GPR21: variants seen among roughly 807,000 people sequenced by gnomAD.
GPR21 encodes probable G protein-coupled receptor 21.
GPR21 carries 9 observed loss-of-function variants against 21.5 expected under a neutral mutation model. That is an observed-to-expected ratio of 0.42 (90% CI 0.25 to 0.73). The LOEUF is 0.73. GPR21 is among the 30% of genes least tolerant of loss of function. The pLI, the probability that GPR21 is intolerant of heterozygous loss-of-function variation, is 0.27. For missense variants in GPR21, 416 were observed against 428.9 expected, an observed-to-expected ratio of 0.97 and a Z score of 0.27; for synonymous variants, 169 against 159.3, an observed-to-expected ratio of 1.06 and a Z score of -0.46.
At chr9:123,037,971 A>T (rs553623184), downstream of GPR21, among the ~76,000 whole-genome samples, 1 of 152,208 alleles carries the variant, frequency 6.6e-6, no homozygotes, top group Non-Finnish European at 1.5e-5. Flanking sequence ...TTTATATGGC[A>T]TGTGACTGGT....
At chr9:123,041,616 AAAG>A in the GPR21 span, among the ~76,000 whole-genome samples, 7 of 152,240 alleles carry the variant, frequency 4.6e-5, no homozygotes, top group Admixed American at 2.6e-4. Context: ...ATATGGATAA[AAAG>A]AAGGAGAACA....
chr9:123,034,738 T>C lies in GPR21; in HGVS notation c.172T>C (p.Leu58=). 1 of 1,613,906 alleles carries C rather than the reference T, an allele frequency of 6.2e-7. No homozygotes were observed. The highest frequency in any genetic ancestry group is 8.5e-7 in the Non-Finnish European group (1 of 1,179,768). ...IVIFVFHCAP[L]LNHHTTSYFI... ...GATTTTTGTATTTCACTGTGCACCT[T>C]TGTTGAACCATCACACTACAAGTTA... is the stretch of plus-strand genomic sequence containing the variant. Residue 58 remains leucine, a synonymous_variant, in exon 2 of 2, where the codon TTG becomes CTG. Transcript: ENST00000616002.
rs34595678 is a variant in GPR21, at chr9:123,035,445, T to G, written c.879T>G (p.Ala293=). 3.5e-4 allele frequency: 563 copies of G among 1,614,218 alleles called. 1 individual carries two copies. In the African/African-American group the frequency reaches 6.8e-3, roughly 19 times the overall value. ...CATCCTTCTTGACCACCTGGCTTGC[T>G]ATTAGTAACAGTTTCTGCAACTGTG... ...RFASFLTTWL[A]ISNSFCNCVI... The change falls in exon 2 of 2, where the codon GCT becomes GCG. Residue 293 remains alanine, a synonymous_variant. Transcript: ENST00000616002.
At chr9:123,046,435 G>C in the GPR21 span, among the ~76,000 whole-genome samples, 1 of 151,638 alleles carries the variant, frequency 6.6e-6, no homozygotes, top group South Asian at 2.1e-4. Flanking sequence ...TAAGGAGACT[G>C]TGTAATGTGT....
rs1388685495 is a variant in GPR21 at position 123,034,685 on chromosome 9, TATTG to T, written c.123_126del (p.Ile42PhefsTer7). Reference sequence around the variant, plus strand: ...GTATTGATTATTGTCTTTCTAACTGTATTGATTATTTCTGGCAACATCATTGTGA... The same window carrying T: ...GTATTGATTATTGTCTTTCTAACTGTATTATTTCTGGCAACATCATTGTGA... On this transcript the variant is annotated frameshift_variant, in exon 2 of 2. Coordinates refer to ENST00000616002, the MANE Select transcript of GPR21 (RefSeq NM_005294.3). LOFTEE classifies it high-confidence loss of function. The T allele has an allele frequency of 1.9e-6, 3 of 1,612,878 alleles. No individual in the cohort carries two copies. Among genetic ancestry groups the T allele is most frequent in the African/African-American group, 1.3e-5 (1 of 74,916 alleles).
At chr9:123,037,721 T>C (rs1029078278), downstream of GPR21, among the ~76,000 whole-genome samples, 1 of 152,130 alleles carries the variant, frequency 6.6e-6, no homozygotes, top group Non-Finnish European at 1.5e-5. Flanking sequence ...TTGATCTTAT[T>C]TTGTTGTGTG....
At position 123,034,516 on chromosome 9, in the gene GPR21, TG is replaced by T; in HGVS notation, c.-49del. 8.5e-7 allele frequency: 1 copy of T among 1,183,082 alleles called. No individual in the cohort carries two copies. The highest frequency in any genetic ancestry group is 1.2e-6 in the Non-Finnish European group (1 of 823,244). 73.3% of individuals were successfully genotyped at this position (1,183,082 alleles called of 1,614,324 possible). A position where few individuals can be genotyped will look rare whatever the true frequency, so the allele number is the denominator to read the frequency against. On this transcript the variant is annotated 5_prime_UTR_variant, in exon 2 of 2. The change creates a premature stop within an existing upstream ORF in the 5' untranslated region. Transcript: ENST00000616002. ...GACAGCAGCTGCTTCTTTGAACTGT[TG>T]GCAGCAGCCAAGCGGCAGCATGAAG...
At chr9:123,036,161 T>C (rs757794569), downstream of GPR21, among the ~76,000 whole-genome samples, 3 of 152,266 alleles carry the variant, frequency 2.0e-5, no homozygotes, top group Admixed American at 6.5e-5. Flanking sequence ...AGCCAAATGT[T>C]CTGTGTTTTA....
At chr9:123,040,368 A>C (rs1015953803), downstream of GPR21, among the ~76,000 whole-genome samples, 2 of 152,194 alleles carry the variant, frequency 1.3e-5, no homozygotes, top group Admixed American at 6.5e-5. Context: ...TGGGAAGCCA[A>C]ACTGTATTCA....
the GPR21 span, among the ~76,000 whole-genome samples, chr9:123,042,579 T>C: frequency 2.0e-5 from 3 of 152,084 alleles, no homozygotes; most frequent in Non-Finnish European, 4.4e-5. Flanking sequence ...CAATTTAAAG[T>C]ATAATAATTT....
At chr9:123,041,008 G>A in the GPR21 span, among the ~76,000 whole-genome samples, 24 of 152,100 alleles carry the variant, frequency 1.6e-4, no homozygotes, top group Non-Finnish European at 7.4e-5. Context: ...ATATCATATT[G>A]CTTTTGCAGA....
At chr9:123,035,802 A>G (rs115695029), downstream of GPR21, 751 of 505,628 alleles carry the variant, frequency 1.5e-3, 6 homozygotes, top group African/African-American at 0.013. Context: ...AATGGTTTTC[A>G]AAAGTGCTTG....
downstream of GPR21, among the ~76,000 whole-genome samples, chr9:123,037,412 C>G (rs2032720917): frequency 1.3e-5 from 2 of 152,074 alleles, no homozygotes; most frequent in African/African-American, 4.8e-5. Context: ...AAATTTTATT[C>G]TAAGCTGCTT....
At chr9:123,038,327 T>C (rs1426044120), downstream of GPR21, among the ~76,000 whole-genome samples, 1 of 152,210 alleles carries the variant, frequency 6.6e-6, no homozygotes, top group Non-Finnish European at 1.5e-5. Context: ...TACTTTTTAC[T>C]TGAATAATGG....
the GPR21 span, among the ~76,000 whole-genome samples, chr9:123,041,328 T>C: frequency 6.6e-6 from 1 of 152,206 alleles, no homozygotes; most frequent in Non-Finnish European, 1.5e-5. Flanking sequence ...TTTTTTCTTA[T>C]ATTCTACATT....
chr9:123,045,771 G>A, the GPR21 span, among the ~76,000 whole-genome samples: 6 of 152,152 alleles, frequency 3.9e-5, no homozygotes, highest in South Asian at 1.2e-3. Context: ...AGTGAAAAGA[G>A]CATGGATTTT....
chr9:123,047,919 GTTTTTTTTTTTTTTTTTTTTTTT>G, the GPR21 span, among the ~76,000 whole-genome samples: 6 of 62,252 alleles, frequency 9.6e-5, no homozygotes, highest in Admixed American at 7.6e-4. Flanking sequence ...CAGCTGCTGG[GTTTTTTTTTTTTTTTTTTTTTTT>G]TTTTTTTTTT....
At chr9:123,043,498 A>G in the GPR21 span, among the ~76,000 whole-genome samples, 1 of 152,196 alleles carries the variant, frequency 6.6e-6, no homozygotes, top group South Asian at 2.1e-4. Context: ...TAACTTCAGA[A>G]AAAAATAGAA....
In GPR21 at chr9:123,034,480, C is replaced by A; in HGVS notation, c.-87C>A. 1.2e-6 allele frequency: 1 copy of A among 806,910 alleles called. No individual in the cohort carries two copies. The highest frequency in any genetic ancestry group is 2.0e-6 in the Non-Finnish European group (1 of 493,944). The allele number at this position is 806,910 out of a possible 1,614,324, so 50.0% of individuals were successfully genotyped here. A position where few individuals can be genotyped will look rare whatever the true frequency, so the allele number is the denominator to read the frequency against. ...CTGGCATTATTACACACATGCAAAG[C>A]TGACCGCAATGACAGCAGCTGCTTC... On this transcript the variant is annotated 5_prime_UTR_variant, in exon 2 of 2. It adds an upstream start codon to the 5' untranslated region. Coordinates refer to ENST00000616002, the MANE Select transcript of GPR21 (RefSeq NM_005294.3).
Sources: allele counts gnomAD v4.1 joint callset (sites outside exome capture counted in the v4.1 genomes callset), GRCh38; gene constraint gnomAD v4.1.1; transcripts MANE v1.5; gene names NCBI Gene and HGNC (gene_info 2026-07-23, HGNC 2026-07-21).